Variants in PRUNE2 observed in about 807,000 individuals in gnomAD.
PRUNE2 encodes protein prune homolog 2.
PRUNE2 carries 164 observed loss-of-function variants against 252.0 expected under a neutral mutation model. The observed-to-expected ratio is 0.65, with a 90% CI of 0.57 to 0.74. The LOEUF is 0.74. Ranked by LOEUF, PRUNE2 falls within the 30% of genes least tolerant of loss-of-function variation. The probability of loss-of-function intolerance (pLI) is 0.00; values close to 1 mark genes in which losing one functional copy is unlikely to be tolerated. For synonymous variants in PRUNE2, 1,292 were observed against 1,350.2 expected, an observed-to-expected ratio of 0.96 and a Z score of 0.94; for missense variants, 3,495 against 3,711.0, an observed-to-expected ratio of 0.94 and a Z score of 1.51.
rs754369178 is a variant in PRUNE2 at position 76,710,465 on chromosome 9, AT to A, written c.1808del (p.Asn603IlefsTer11). 6.2e-7 allele frequency: 1 copy of A among 1,613,868 alleles called. No individual in the cohort carries two copies. The highest frequency in any genetic ancestry group is 1.7e-5 in the Admixed American group (1 of 60,004). The part of the protein sequence containing the change: ...DESPSPERLK[N>X]TGKRIPPTPM... ...GTGTTGGTGGGATCCTCTTTCCAGTATTTTTTAGCCTTTCTGGGGAAGGGGA... is the reference window on the plus strand; with the variant it reads ...GTGTTGGTGGGATCCTCTTTCCAGTATTTTTAGCCTTTCTGGGGAAGGGGA... On this transcript the variant is annotated frameshift_variant, in exon 8 of 19. Coordinates refer to ENST00000376718, the MANE Select transcript of PRUNE2 (RefSeq NM_015225.3). LOFTEE classifies it high-confidence loss of function.
At chr9:76,627,282 TC>T (rs1356950638) in intron 16 of PRUNE2, among the ~76,000 whole-genome samples, 1 of 87,670 alleles carries the variant, frequency 1.1e-5, no homozygotes, top group Admixed American at 1.7e-4. Flanking sequence ...TGTGTTTTTT[TC>T]ATAGAGATGG....
intron 4 of PRUNE2, among the ~76,000 whole-genome samples, chr9:76,836,977 C>T (rs1016333686): frequency 3.3e-5 from 5 of 152,098 alleles, no homozygotes; most frequent in African/African-American, 1.2e-4. Context: ...AATAATATAC[C>T]ATAATGCAAA....
intron 6 of PRUNE2, chr9:76,786,551 G>A (rs1290693815): frequency 6.6e-6 from 1 of 152,188 alleles, no homozygotes; most frequent in Non-Finnish European, 1.5e-5. Context: ...TCTAGCCTTT[G>A]CTTCCACGAC....
chr9:76,669,447 G>A lies in PRUNE2; in HGVS notation c.8277-13945C>T, dbSNP rs144783053. Among the ~76,000 whole-genome samples, 421 of 152,250 alleles carry A rather than the reference G, an allele frequency of 2.8e-3. 2 individuals carry two copies. The highest frequency in any genetic ancestry group is 9.4e-3 in the African/African-American group (391 of 41,548). On this transcript the variant is annotated intron_variant, in intron 9 of 18. Coordinates refer to ENST00000376718, the MANE Select transcript of PRUNE2 (RefSeq NM_015225.3). ...TGATTCTCCTGCCTCAGCCTCCTGA[G>A]TAGCTGGGATCACAGCTGCGGGCCA...
intron 4 of PRUNE2, among the ~76,000 whole-genome samples, chr9:76,835,704 C>A (rs2132201424): frequency 6.6e-6 from 1 of 152,142 alleles, no homozygotes; most frequent in African/African-American, 2.4e-5. Flanking sequence ...GATTTTGTAA[C>A]CATTTCAGGA....
In PRUNE2 at chr9:76,826,603, T is replaced by C. The variant is rs1412954562; in HGVS notation, c.638A>G (p.Gln213Arg). ...PPREDIINVLQETQFSAQGLS... is the reference protein window; with the variant it reads ...PPREDIINVLRETQFSAQGLS... ...ACCCTGAGCACTGAACTGGGTCTCCTGTAGGACGTTGATGATGTCCTCTCT... is the reference window on the plus strand; with the variant it reads ...ACCCTGAGCACTGAACTGGGTCTCCCGTAGGACGTTGATGATGTCCTCTCT... Residue 213 changes from glutamine (Q) to arginine (R), a missense_variant, in exon 5 of 19, where the codon CAG becomes CGG. Transcript: ENST00000376718. 23 of 1,609,394 alleles carry C rather than the reference T, an allele frequency of 1.4e-5. No homozygotes were observed. Among genetic ancestry groups the C allele is most frequent in the Non-Finnish European group, 2.0e-5 (23 of 1,177,340 alleles).
At chr9:76,833,278 T>G (rs2058763619) in intron 4 of PRUNE2, among the ~76,000 whole-genome samples, 1 of 151,920 alleles carries the variant, frequency 6.6e-6, no homozygotes, top group Non-Finnish European at 1.5e-5. Context: ...AGAATCAAAG[T>G]ACAAATTAAC....
intron 12 of PRUNE2, among the ~76,000 whole-genome samples, chr9:76,643,531 T>C (rs1843463529): frequency 6.6e-6 from 1 of 152,218 alleles, no homozygotes; most frequent in South Asian, 2.1e-4. Flanking sequence ...TGTGTGTCAC[T>C]TGCAGCAAGA....
At chr9:76,857,253 G>A in intron 1 of PRUNE2, 1 of 410,446 alleles carries the variant, frequency 2.4e-6, no homozygotes, top group South Asian at 1.8e-5. Flanking sequence ...TTGGTGCCCA[G>A]GCTCTCAAGG....
In PRUNE2 at chr9:76,708,331, G is replaced by C; in HGVS notation, c.3943C>G (p.Pro1315Ala). 2 of 1,613,718 alleles carry C rather than the reference G, an allele frequency of 1.2e-6. No individual in the cohort carries two copies. The highest frequency in any genetic ancestry group is 1.7e-6 in the Non-Finnish European group (2 of 1,179,882). Reference protein sequence around the residue: ...ENPGYFPHPDPWKGHGDGQSE... With the variant: ...ENPGYFPHPDAWKGHGDGQSE... ...TGTCCATCGCCATGACCTTTCCATG[G>C]ATCTGGGTGTGGAAAATACCCTGGA... The change falls in exon 8 of 19, where the codon CCA becomes GCA. Residue 1315 changes from proline to alanine, a missense_variant. Pro to Ala is a conservative substitution (Grantham distance 27). Transcript: ENST00000376718.
At chr9:76,634,596 C>T (rs1839194772) in intron 15 of PRUNE2, among the ~76,000 whole-genome samples, 1 of 152,208 alleles carries the variant, frequency 6.6e-6, no homozygotes, top group Admixed American at 6.5e-5. Flanking sequence ...GAGCTGTACC[C>T]AATCAAGCTA....
At chr9:76,893,651 A>C (rs957400365) in intron 1 of PRUNE2, among the ~76,000 whole-genome samples, 1 of 152,256 alleles carries the variant, frequency 6.6e-6, no homozygotes, top group African/African-American at 2.4e-5. Context: ...CTTGGTCAGG[A>C]GGCTATTTTG....
chr9:76,855,043 C>A (rs1264098843), intron 1 of PRUNE2, among the ~76,000 whole-genome samples: 1 of 131,648 alleles, frequency 7.6e-6, no homozygotes, highest in Admixed American at 8.0e-5. Context: ...TCCAGCCTGG[C>A]CACAGAGCAA....
intron 6 of PRUNE2, among the ~76,000 whole-genome samples, chr9:76,807,537 C>T (rs923704735): frequency 1.3e-5 from 2 of 152,136 alleles, no homozygotes; most frequent in Non-Finnish European, 1.5e-5. Flanking sequence ...ATATGGGGAA[C>T]TAGAATTTAT....
chr9:76,716,824 C>G (rs758669830), intron 6 of PRUNE2, among the ~76,000 whole-genome samples: 85 of 151,950 alleles, frequency 5.6e-4, no homozygotes, highest in Non-Finnish European at 1.1e-3. Context: ...CCCAACCCCC[C>G]AACAGGCCCC....
intron 6 of PRUNE2, among the ~76,000 whole-genome samples, chr9:76,730,606 A>T (rs1375642365): frequency 6.6e-6 from 1 of 152,190 alleles, no homozygotes; most frequent in Non-Finnish European, 1.5e-5. Context: ...CCCCTGAAAT[A>T]AAAGATGAAA....
intron 6 of PRUNE2, among the ~76,000 whole-genome samples, chr9:76,777,518 C>T (rs903357808): frequency 2.6e-5 from 4 of 152,150 alleles, no homozygotes; most frequent in South Asian, 2.1e-4. Flanking sequence ...GACTCCTTTG[C>T]GCCTTCCCAA....
chr9:76,686,336 A>G (rs2044086508), intron 9 of PRUNE2, among the ~76,000 whole-genome samples: 1 of 152,216 alleles, frequency 6.6e-6, no homozygotes, highest in Non-Finnish European at 1.5e-5. Context: ...ATAACAGCTC[A>G]ATACCAGCTA....
chr9:76,854,473 T>G (rs1410802771), intron 1 of PRUNE2, among the ~76,000 whole-genome samples: 3 of 152,208 alleles, frequency 2.0e-5, no homozygotes, highest in Admixed American at 2.0e-4. Context: ...TCATATGAAC[T>G]GTATCTCTGA....
Sources: gnomAD v4.1 joint callset for allele counts (sites outside exome capture counted in the v4.1 genomes callset) on GRCh38, gnomAD v4.1.1 for gene constraint, MANE v1.5 for transcripts, NCBI Gene and HGNC (gene_info 2026-07-23, HGNC 2026-07-21) for gene names.